CTNNA3: variants seen among roughly 807,000 people sequenced by gnomAD.
CTNNA3 encodes catenin alpha 3.
Under a neutral mutation model 95.7 loss-of-function variants are expected in CTNNA3, and 76 were observed. That is an observed-to-expected ratio of 0.79 (90% CI 0.66 to 0.96). CTNNA3 has a LOEUF of 0.96. CTNNA3 is among the 40% of genes least tolerant of loss of function. The pLI is 0.00. For synonymous variants in CTNNA3, 431 were observed against 374.4 expected, an observed-to-expected ratio of 1.15 and a Z score of -1.74; for missense variants, 1,191 against 1,089.8, an observed-to-expected ratio of 1.09 and a Z score of -1.31.
chr10:66,419,124 C>A (rs1319691341), intron 11 of CTNNA3, among the ~76,000 whole-genome samples: 1 of 152,052 alleles, frequency 6.6e-6, no homozygotes, highest in Non-Finnish European at 1.5e-5. Context: ...TTAGAAAAGT[C>A]AAAAGACTCC....
chr10:66,603,272 A>C (rs1843997740), intron 10 of CTNNA3, among the ~76,000 whole-genome samples: 1 of 152,174 alleles, frequency 6.6e-6, no homozygotes, highest in African/African-American at 2.4e-5. Flanking sequence ...CACAAAAATT[A>C]ATAGTGTGTC....
chr10:67,601,219 G>A (rs2133368151), intron 3 of CTNNA3, among the ~76,000 whole-genome samples: 1 of 152,172 alleles, frequency 6.6e-6, no homozygotes, highest in East Asian at 1.9e-4. Context: ...TAGAACAGTT[G>A]TCCCCAACCA....
chr10:67,385,215 C>T, intron 5 of CTNNA3, among the ~76,000 whole-genome samples: 1 of 152,236 alleles, frequency 6.6e-6, no homozygotes, highest in East Asian at 1.9e-4. Flanking sequence ...AGCTTATAGT[C>T]TAATGACCTC....
intron 1 of CTNNA3, among the ~76,000 whole-genome samples, chr10:67,705,845 A>G (rs1589576936): frequency 6.6e-6 from 1 of 151,476 alleles, no homozygotes; most frequent in East Asian, 1.9e-4. Flanking sequence ...GCCCTCTCCT[A>G]GCGTAACCGA....
intron 7 of CTNNA3, among the ~76,000 whole-genome samples, chr10:66,807,922 C>T (rs1023311261): frequency 6.6e-6 from 1 of 152,040 alleles, no homozygotes; most frequent in African/African-American, 2.4e-5. Flanking sequence ...TTCCCTTAGT[C>T]TAGGTTTTCT....
At chr10:66,442,817 G>C (rs917284052) in intron 11 of CTNNA3, among the ~76,000 whole-genome samples, 1 of 151,962 alleles carries the variant, frequency 6.6e-6, no homozygotes, top group Non-Finnish European at 1.5e-5. Flanking sequence ...GTGCAGGACA[G>C]TGGGTGCAGT....
At chr10:66,190,052 T>G (rs544502797) in intron 13 of CTNNA3, among the ~76,000 whole-genome samples, 32 of 152,186 alleles carry the variant, frequency 2.1e-4, no homozygotes, top group African/African-American at 7.5e-4. Flanking sequence ...AAGAAACATG[T>G]GAAACTACAG....
chr10:67,633,199 A>AG (rs1323628021), intron 2 of CTNNA3, among the ~76,000 whole-genome samples: 3 of 152,134 alleles, frequency 2.0e-5, no homozygotes, highest in Admixed American at 2.0e-4. Flanking sequence ...CAGCCACCCC[A>AG]GCAAGGGCTC....
intron 13 of CTNNA3, among the ~76,000 whole-genome samples, chr10:66,150,566 C>A (rs576516450): frequency 6.6e-6 from 1 of 151,882 alleles, no homozygotes; most frequent in South Asian, 2.1e-4. Context: ...TTGATACCAG[C>A]ATACGATGTG....
At chr10:66,326,514 T>C (rs2092256403) in intron 12 of CTNNA3, among the ~76,000 whole-genome samples, 1 of 152,060 alleles carries the variant, frequency 6.6e-6, no homozygotes, top group Admixed American at 6.5e-5. Flanking sequence ...GCATGAGTCA[T>C]ATAAAAAGTG....
chr10:66,068,055 A>T (rs2080350488), intron 15 of CTNNA3, among the ~76,000 whole-genome samples: 3 of 152,204 alleles, frequency 2.0e-5, no homozygotes. Context: ...CCAAATTACT[A>T]TAAGGCTTAT....
At chr10:66,734,973 G>T (rs1253115961) in intron 9 of CTNNA3, among the ~76,000 whole-genome samples, 1 of 150,408 alleles carries the variant, frequency 6.6e-6, no homozygotes, top group Non-Finnish European at 1.5e-5. Context: ...TTATGAATTT[G>T]TTTTATAGAT....
chr10:66,455,684 C>T (rs2093490826), intron 11 of CTNNA3, among the ~76,000 whole-genome samples: 1 of 152,156 alleles, frequency 6.6e-6, no homozygotes, highest in Non-Finnish European at 1.5e-5. Context: ...CCACATGCTG[C>T]TACTGTGGAT....
chr10:66,137,964 A>C lies in CTNNA3; in HGVS notation c.1885-34715T>G, dbSNP rs993782186. ...CATCCTGTCTTGAAAATAACAACAA[A>C]ATTTTGTGCATAGATATATAAATAA... On this transcript the variant is annotated intron_variant, in intron 13 of 17. Coordinates refer to ENST00000433211, the MANE Select transcript of CTNNA3 (RefSeq NM_013266.4). Among the ~76,000 whole-genome samples the C allele has an allele frequency of 2.9e-4, 44 of 151,956 alleles. 1 individual carries two copies. Among genetic ancestry groups the C allele is most frequent in the Non-Finnish European group, 2.9e-5 (2 of 67,992 alleles).
chr10:67,599,101 T>C lies in CTNNA3; in HGVS notation c.292+7756A>G, dbSNP rs142386637. On this transcript the variant is annotated intron_variant, in intron 3 of 17. Coordinates refer to ENST00000433211, the MANE Select transcript of CTNNA3 (RefSeq NM_013266.4). The stretch of plus-strand genomic sequence containing the variant: ...CTGAAACTCCACCAAGGCCACACTA[T>C]AGAATAAAAGACTATGTCCCAGGAC... Among the ~76,000 whole-genome samples, 19 of 152,252 alleles carry C rather than the reference T, an allele frequency of 1.2e-4. No individual in the cohort carries two copies. In the East Asian group the frequency reaches 3.5e-3, roughly 28 times the overall value.
At chr10:66,754,833 C>T (rs1379946297) in intron 9 of CTNNA3, among the ~76,000 whole-genome samples, 2 of 152,034 alleles carry the variant, frequency 1.3e-5, no homozygotes, top group Non-Finnish European at 2.9e-5. Flanking sequence ...AGAATTGAAG[C>T]CTTCATACAC....
At chr10:66,327,880 C>T (rs2092275306) in intron 12 of CTNNA3, among the ~76,000 whole-genome samples, 1 of 151,930 alleles carries the variant, frequency 6.6e-6, no homozygotes. Context: ...TGCATTATAA[C>T]TAAGATGTTA....
At chr10:66,639,777 G>A (rs1004309348) in intron 9 of CTNNA3, among the ~76,000 whole-genome samples, 1 of 152,072 alleles carries the variant, frequency 6.6e-6, no homozygotes, top group African/African-American at 2.4e-5. Flanking sequence ...AATACTGTGT[G>A]TCCTTTTATG....
At chr10:66,503,767 C>A (rs1589344878) in intron 11 of CTNNA3, among the ~76,000 whole-genome samples, 1 of 152,160 alleles carries the variant, frequency 6.6e-6, no homozygotes. Context: ...GCGCCTGGCC[C>A]AGATTTTTCT....
Sources: allele counts gnomAD v4.1 joint callset (sites outside exome capture counted in the v4.1 genomes callset), GRCh38; gene constraint gnomAD v4.1.1; transcripts MANE v1.5; gene names NCBI Gene and HGNC (gene_info 2026-07-23, HGNC 2026-07-21).